GPC6: variants seen among roughly 807,000 people sequenced by gnomAD.
The protein encoded by GPC6 is glypican 6.
Under a neutral mutation model 55.2 loss-of-function variants are expected in GPC6, and 14 were observed. The observed-to-expected ratio is 0.25, with a 90% confidence interval of 0.17 to 0.40. The LOEUF is 0.40. Among genes scored for constraint, GPC6 ranks in the 10% least tolerant of loss-of-function variants. The probability of loss-of-function intolerance (pLI) is 1.00; values close to 1 mark genes in which losing one functional copy is unlikely to be tolerated. For synonymous variants in GPC6, 278 were observed against 259.6 expected (o/e 1.07, Z -0.68); for missense variants, 641 against 708.5 (o/e 0.90, Z 1.08).
chr13:93,463,380 C>T (rs147829477), intron 1 of GPC6, among the ~76,000 whole-genome samples: 182 of 152,264 alleles, frequency 1.2e-3, no homozygotes, highest in Middle Eastern at 3.4e-3. Context: ...ACCAGGTGGA[C>T]GTGACTTATA....
intron 1 of GPC6, among the ~76,000 whole-genome samples, chr13:93,465,824 G>A (rs1057084122): frequency 6.6e-6 from 1 of 152,134 alleles, no homozygotes; most frequent in Non-Finnish European, 1.5e-5. Flanking sequence ...TAATCGCTAA[G>A]CTTAATAACT....
chr13:93,684,796 A>G (rs1881988321), intron 2 of GPC6, among the ~76,000 whole-genome samples: 1 of 152,234 alleles, frequency 6.6e-6, no homozygotes, highest in Admixed American at 6.5e-5. Context: ...GATAGCATTT[A>G]AAACTCTTAA....
chr13:93,388,808 A>G (rs1875503749), intron 1 of GPC6, among the ~76,000 whole-genome samples: 1 of 152,186 alleles, frequency 6.6e-6, no homozygotes, highest in Non-Finnish European at 1.5e-5. Context: ...AAGCTCCCTC[A>G]GGCCAATAAC....
intron 1 of GPC6, among the ~76,000 whole-genome samples, chr13:93,262,156 TC>T (rs1877173039): frequency 6.6e-6 from 1 of 152,156 alleles, no homozygotes; most frequent in Non-Finnish European, 1.5e-5. Flanking sequence ...TGAAACATTT[TC>T]TTGGCTTATA....
chr13:93,434,248 T>C (rs1017570352), intron 1 of GPC6, among the ~76,000 whole-genome samples: 3 of 152,184 alleles, frequency 2.0e-5, no homozygotes, highest in Non-Finnish European at 4.4e-5. Flanking sequence ...CACAGTCTTA[T>C]GTTGTTTCGG....
At chr13:93,876,879 A>G (rs1312503523) in intron 3 of GPC6, among the ~76,000 whole-genome samples, 1 of 152,054 alleles carries the variant, frequency 6.6e-6, no homozygotes, top group African/African-American at 2.4e-5. Flanking sequence ...TTGCACAGGC[A>G]TGTAAGCCTC....
chr13:93,444,195 C>CTTCTTTT (rs755978023), intron 1 of GPC6, among the ~76,000 whole-genome samples: 7,826 of 110,944 alleles, frequency 0.071, 260 homozygotes, highest in Non-Finnish European at 0.082. Flanking sequence ...TGCAATTCTT[C>CTTCTTTT]TTTTTTTTTT....
At position 93,792,878 on chromosome 13, in the gene GPC6, A is replaced by G. The variant is rs1009335967; in HGVS notation, c.320-37276A>G. ...GAATGAAAGGACATATGCCCCACAT[A>G]AGAAAAACAACCCCATCATACAGTC... On this transcript the variant is annotated intron_variant, in intron 2 of 8. Coordinates refer to ENST00000377047, the MANE Select transcript of GPC6 (RefSeq NM_005708.5). 7.9e-5 allele frequency among the ~76,000 whole-genome samples: 12 copies of G among 152,198 alleles called. 1 individual carries two copies. Among genetic ancestry groups the G allele is most frequent in the Admixed American group, 3.3e-4 (5 of 15,276 alleles).
At chr13:94,093,205 A>AT (rs1885552462) in intron 4 of GPC6, among the ~76,000 whole-genome samples, 1 of 151,848 alleles carries the variant, frequency 6.6e-6, no homozygotes, top group South Asian at 2.1e-4. Context: ...ATGTCAAAAA[A>AT]TTTTTTTCCT....
chr13:94,055,138 G>A (rs1014020887), intron 4 of GPC6, among the ~76,000 whole-genome samples: 1 of 152,166 alleles, frequency 6.6e-6, no homozygotes, highest in Non-Finnish European at 1.5e-5. Context: ...TTGACTGTTA[G>A]CCCCACACCT....
chr13:93,829,101 C>T (rs901859437), intron 2 of GPC6, among the ~76,000 whole-genome samples: 3 of 152,226 alleles, frequency 2.0e-5, no homozygotes, highest in Middle Eastern at 3.4e-3. Flanking sequence ...AGGCAATAAA[C>T]GGGGACTATG....
intron 6 of GPC6, among the ~76,000 whole-genome samples, chr13:94,360,138 T>TA (rs966585728): frequency 1.3e-5 from 2 of 152,288 alleles, no homozygotes; most frequent in Admixed American, 6.5e-5. Context: ...GTTTTATGAA[T>TA]AAAAAATCCA....
intron 6 of GPC6, among the ~76,000 whole-genome samples, chr13:94,356,690 AG>A (rs1261040992): frequency 2.6e-5 from 4 of 152,192 alleles, no homozygotes; most frequent in African/African-American, 9.6e-5. Flanking sequence ...TTGAGCTGGC[AG>A]GGAGCACGTG....
At chr13:93,862,532 A>T (rs553232153) in intron 3 of GPC6, among the ~76,000 whole-genome samples, 1 of 151,740 alleles carries the variant, frequency 6.6e-6, no homozygotes, top group Non-Finnish European at 1.5e-5. Flanking sequence ...TGTCCCAGAA[A>T]ATATTTAATT....
rs144776431 is a variant in GPC6 at position 94,059,867 on chromosome 13, T to C, written c.877+31973T>C. On this transcript the variant is annotated intron_variant, in intron 4 of 8. Transcript: ENST00000377047. ...GCCCCACCTCCTAATACCATCACTT[T>C]GGGGTTTCATTTTCAATATTTGAAT... is the stretch of plus-strand genomic sequence containing the variant. Among the ~76,000 whole-genome samples the C allele has an allele frequency of 2.5e-3, 385 of 152,010 alleles. 1 individual carries two copies. The highest frequency in any genetic ancestry group is 8.9e-3 in the African/African-American group (371 of 41,502).
At chr13:93,960,205 A>G (rs1465118053) in intron 3 of GPC6, among the ~76,000 whole-genome samples, 1 of 152,200 alleles carries the variant, frequency 6.6e-6, no homozygotes, top group East Asian at 1.9e-4. Context: ...CTAGAGAAGA[A>G]CTATATTAAT....
intron 7 of GPC6, among the ~76,000 whole-genome samples, chr13:94,397,366 C>A (rs970344110): frequency 1.3e-5 from 2 of 152,070 alleles, no homozygotes; most frequent in Non-Finnish European, 2.9e-5. Context: ...ATATAAATAC[C>A]CCTAGGCAGC....
At chr13:93,317,735 C>T (rs1351312950) in intron 1 of GPC6, among the ~76,000 whole-genome samples, 1 of 152,048 alleles carries the variant, frequency 6.6e-6, no homozygotes, top group East Asian at 1.9e-4. Context: ...TTAAAACTAC[C>T]AGTGAAGAGT....
chr13:93,338,021 C>T (rs4142599), intron 1 of GPC6, among the ~76,000 whole-genome samples: 21,324 of 152,132 alleles, frequency 0.14, 1,756 homozygotes, highest in East Asian at 0.42. Flanking sequence ...CTCCCTATTA[C>T]CCTTTTTTGT....
Sources: gnomAD v4.1 joint callset for allele counts (sites outside exome capture counted in the v4.1 genomes callset) on GRCh38, gnomAD v4.1.1 for gene constraint, MANE v1.5 for transcripts, NCBI Gene and HGNC (gene_info 2026-07-23, HGNC 2026-07-21) for gene names.